Variants in CADM2 observed in about 807,000 individuals in gnomAD.
CADM2 encodes the protein immunoglobulin superfamily member 4D.
In CADM2, 12 loss-of-function variants were observed where a neutral mutation model predicts 49.8. The observed-to-expected ratio is 0.24, with a 90% confidence interval of 0.15 to 0.39. The LOEUF (loss-of-function observed/expected upper bound fraction) is 0.39. Among genes scored for constraint, CADM2 ranks in the 10% least tolerant of loss-of-function variants. The probability of loss-of-function intolerance (pLI) is 1.00; values close to 1 mark genes in which losing one functional copy is unlikely to be tolerated. For missense variants in CADM2, 378 were observed against 492.3 expected, an observed-to-expected ratio of 0.77 and a Z score of 2.20; for synonymous variants, 214 against 175.4, an observed-to-expected ratio of 1.22 and a Z score of -1.74.
intron 3 of CADM2, among the ~76,000 whole-genome samples, chr3:85,814,335 C>G (rs1192879237): frequency 6.6e-6 from 1 of 151,944 alleles, no homozygotes; most frequent in Non-Finnish European, 1.5e-5. Context: ...ATGATTTGGT[C>G]TCTGTTTGTA....
At chr3:85,671,384 T>C (rs766454559) in intron 1 of CADM2, among the ~76,000 whole-genome samples, 1 of 152,168 alleles carries the variant, frequency 6.6e-6, no homozygotes, top group Non-Finnish European at 1.5e-5. Context: ...AGAATTATAG[T>C]AGAGCAACAA....
At chr3:85,587,941 A>AT (rs1296327489) in intron 1 of CADM2, among the ~76,000 whole-genome samples, 1 of 151,952 alleles carries the variant, frequency 6.6e-6, no homozygotes, top group Non-Finnish European at 1.5e-5. Context: ...TTGTTTTTGT[A>AT]TTTTTTGTAA....
intron 5 of CADM2, among the ~76,000 whole-genome samples, chr3:85,901,175 C>A (rs1218799264): frequency 1.3e-5 from 2 of 152,030 alleles, no homozygotes. Context: ...GCCTGGGTGA[C>A]AAGGGCAAAA....
At chr3:85,773,283 G>A (rs2070195386) in intron 2 of CADM2, among the ~76,000 whole-genome samples, 3 of 152,092 alleles carry the variant, frequency 2.0e-5, no homozygotes, top group South Asian at 2.1e-4. Context: ...TTTTCCTTAC[G>A]TTCCTTTGTC....
At chr3:85,142,603 T>A (rs539379359) in intron 1 of CADM2, among the ~76,000 whole-genome samples, 2 of 152,294 alleles carry the variant, frequency 1.3e-5, no homozygotes, top group East Asian at 3.9e-4. Context: ...ACTTACAGCA[T>A]TATGAAGAAG....
chr3:86,006,428 G>A (rs1730797561), intron 8 of CADM2, among the ~76,000 whole-genome samples: 1 of 152,202 alleles, frequency 6.6e-6, no homozygotes, highest in African/African-American at 2.4e-5. Flanking sequence ...CAACAGATAA[G>A]CTGTGTGTGA....
chr3:85,259,993 A>T (rs1171523673), intron 1 of CADM2, among the ~76,000 whole-genome samples: 1 of 152,066 alleles, frequency 6.6e-6, no homozygotes, highest in Non-Finnish European at 1.5e-5. Flanking sequence ...ACTATTTAGA[A>T]CAAAGAAGAA....
At chr3:85,833,278 TTTGTTG>T (rs57879763) in intron 3 of CADM2, among the ~76,000 whole-genome samples, 4 of 150,936 alleles carry the variant, frequency 2.7e-5, no homozygotes, top group African/African-American at 4.9e-5. Context: ...TGCAGTTTTC[TTTGTTG>T]TTGTTGTTGT....
chr3:86,033,964 A>G lies in CADM2; in HGVS notation c.971-31641A>G, dbSNP rs544563513. Among the ~76,000 whole-genome samples the G allele has an allele frequency of 6.3e-4, 96 of 151,714 alleles. 1 individual carries two copies. Among genetic ancestry groups the G allele is most frequent in the African/African-American group, 2.3e-3 (94 of 41,456 alleles). On this transcript the variant is annotated intron_variant, in intron 8 of 9. Transcript: ENST00000383699. The stretch of plus-strand genomic sequence containing the variant: ...ACCAGTCTACATTGTTTTTGAAACC[A>G]TGGCAACTCTAGCACCCACTCTGCG...
intron 8 of CADM2, among the ~76,000 whole-genome samples, chr3:86,039,444 C>A (rs1257368343): frequency 6.6e-6 from 1 of 152,192 alleles, no homozygotes; most frequent in African/African-American, 2.4e-5. Context: ...ATATCCCACG[C>A]CTGGCTCAGA....
At chr3:85,233,396 A>G (rs1576177183) in intron 1 of CADM2, among the ~76,000 whole-genome samples, 1 of 152,246 alleles carries the variant, frequency 6.6e-6, no homozygotes, top group East Asian at 1.9e-4. Flanking sequence ...AACTAATAAT[A>G]TTGTACCAAC....
intron 3 of CADM2, among the ~76,000 whole-genome samples, chr3:85,824,403 T>A (rs1014318380): frequency 6.6e-6 from 1 of 151,234 alleles, no homozygotes; most frequent in African/African-American, 2.4e-5. Flanking sequence ...GGATAGAGAT[T>A]TTTTTTTTAA....
chr3:85,089,781 GACA>G (rs2037523746), intron 1 of CADM2, among the ~76,000 whole-genome samples: 1 of 152,044 alleles, frequency 6.6e-6, no homozygotes, highest in Non-Finnish European at 1.5e-5. Flanking sequence ...AGTAAAATAG[GACA>G]ACATGAGTTG....
intron 1 of CADM2, among the ~76,000 whole-genome samples, chr3:84,964,705 T>C (rs2107056037): frequency 6.6e-6 from 1 of 152,300 alleles, no homozygotes; most frequent in Non-Finnish European, 1.5e-5. Context: ...CAACAATTAT[T>C]ATACTTAAGC....
intron 1 of CADM2, among the ~76,000 whole-genome samples, chr3:85,427,034 T>G (rs935578836): frequency 1.3e-5 from 2 of 151,786 alleles, no homozygotes; most frequent in African/African-American, 2.4e-5. Context: ...AAAGGATTCA[T>G]AGGATGTTTC....
At chr3:85,307,396 A>T (rs1429888306) in intron 1 of CADM2, among the ~76,000 whole-genome samples, 4 of 151,648 alleles carry the variant, frequency 2.6e-5, no homozygotes, top group African/African-American at 9.7e-5. Context: ...TCACTACTGA[A>T]ATTATTTGTT....
At chr3:85,867,294 A>C (rs1365394024) in intron 3 of CADM2, among the ~76,000 whole-genome samples, 1 of 152,044 alleles carries the variant, frequency 6.6e-6, no homozygotes, top group East Asian at 1.9e-4. Flanking sequence ...GTTTTGTGTC[A>C]CCATCACAGA....
At chr3:84,985,138 G>A (rs373159256) in intron 1 of CADM2, among the ~76,000 whole-genome samples, 2 of 152,192 alleles carry the variant, frequency 1.3e-5, no homozygotes, top group East Asian at 3.9e-4. Flanking sequence ...TATAACTCTG[G>A]TATTTAACTG....
intron 8 of CADM2, chr3:86,013,118 T>A: frequency 7.4e-7 from 1 of 1,352,860 alleles, no homozygotes; most frequent in Non-Finnish European, 1.1e-6. Context: ...TTACAGTCAT[T>A]TGAACAAACC....
Sources: gnomAD v4.1 joint callset for allele counts (sites outside exome capture counted in the v4.1 genomes callset) on GRCh38, gnomAD v4.1.1 for gene constraint, MANE v1.5 for transcripts, NCBI Gene and HGNC (gene_info 2026-07-23, HGNC 2026-07-21) for gene names.